CENPE: variants seen among roughly 807,000 people sequenced by gnomAD.
CENPE encodes centromere-associated protein E.
In CENPE, 145 loss-of-function variants were observed where a neutral mutation model predicts 336.1. That is an observed-to-expected ratio of 0.43 (90% CI 0.38 to 0.50). The LOEUF is 0.50. Ranked by LOEUF, CENPE falls within the 20% of genes least tolerant of loss-of-function variation. The pLI is 0.00. For missense variants in CENPE, 2,719 were observed against 3,023.3 expected, an observed-to-expected ratio of 0.90 and a Z score of 2.36; for synonymous variants, 1,013 against 984.8, an observed-to-expected ratio of 1.03 and a Z score of -0.54.
chr4:103,181,213 A>C (rs957473321), intron 12 of CENPE, 124 bp downstream of exon 12: 28 of 558,858 alleles, frequency 5.0e-5, no homozygotes, highest in Non-Finnish European at 7.5e-5. Context: ...CTTCTTTAAA[A>C]GTGATTAAAA....
Position 103,194,682 on chromosome 4 carries a change from C to T in CENPE, c.480G>A (p.Arg160=), listed in dbSNP as rs954404196. 7 of 1,593,390 alleles carry T rather than the reference C, an allele frequency of 4.4e-6. No homozygotes were observed. The highest frequency in any genetic ancestry group is 6.0e-6 in the Non-Finnish European group (7 of 1,172,898). The part of the protein sequence containing the change: ...KPLIIREDVN[R]NVYVADLTEE... ...CTGTGAGATCAGCAACATACACATT[C>T]CTCTGAAACAAGTTTAATTATGGAA... is the stretch of plus-strand genomic sequence containing the variant. The change falls in exon 6 of 49, where the codon AGG becomes AGA. Residue 160 remains arginine, a splice_region_variant and synonymous_variant. Transcript: ENST00000265148.
intron 40 of CENPE, among the ~76,000 whole-genome samples, chr4:103,135,812 G>A (rs1752020186): frequency 1.3e-5 from 2 of 152,160 alleles, no homozygotes; most frequent in South Asian, 4.1e-4. Context: ...TTCATCTTCT[G>A]TAATTTTATT....
chr4:103,159,000 T>C lies in CENPE; in HGVS notation c.2601+10A>G. On this transcript the variant is annotated intron_variant, in intron 22 of 48. Coordinates refer to ENST00000265148, the MANE Select transcript of CENPE (RefSeq NM_001813.3). Reference sequence around the variant, plus strand: ...AAGGAGCATTTCTCAAAATAGCATCTTGTACCAACCTCGGTCTTCAAAGCA... The same window carrying C: ...AAGGAGCATTTCTCAAAATAGCATCCTGTACCAACCTCGGTCTTCAAAGCA... The C allele has an allele frequency of 1.3e-6, 2 of 1,532,554 alleles. No homozygotes were observed. Among genetic ancestry groups the C allele is most frequent in the Non-Finnish European group, 1.7e-6 (2 of 1,146,972 alleles). The allele number at this position is 1,532,554 out of a possible 1,614,324, so 94.9% of individuals were successfully genotyped here. A position where few individuals can be genotyped will look rare whatever the true frequency, so the allele number is the denominator to read the frequency against.
chr4:103,183,567 A>C (rs888798598), intron 9 of CENPE, among the ~76,000 whole-genome samples: 18 of 152,200 alleles, frequency 1.2e-4, no homozygotes, highest in African/African-American at 4.3e-4. Context: ...GTTTCCTGAA[A>C]GAGCTTCTCT....
rs189717529 is a variant in CENPE, at chr4:103,189,214, T to A, written c.694-3353A>T. Among the ~76,000 whole-genome samples the A allele has an allele frequency of 3.9e-5, 6 of 152,198 alleles. No homozygotes were observed. In the South Asian group the frequency reaches 8.3e-4, roughly 21 times the overall value. The stretch of plus-strand genomic sequence containing the variant: ...CACAGCCGAATTCTACCAGAGGTAC[T>A]AGGAGGAGCTGGTACCATTCCTTCT... On this transcript the variant is annotated intron_variant, in intron 8 of 48. Transcript: ENST00000265148.
chr4:103,190,954 A>C lies in CENPE; in HGVS notation c.693+3275T>G, dbSNP rs186010704. Among the ~76,000 whole-genome samples, 648 of 152,178 alleles carry C rather than the reference A, an allele frequency of 4.3e-3. 1 individual carries two copies. Among genetic ancestry groups the C allele is most frequent in the African/African-American group, 0.013 (540 of 41,564 alleles). ...AACTCAAACAAATTTAGAAAAAAAA[A>C]AAACAAACAACCACATCGACAAGTG... On this transcript the variant is annotated intron_variant, in intron 8 of 48. Coordinates refer to ENST00000265148, the MANE Select transcript of CENPE (RefSeq NM_001813.3).
At chr4:103,114,952 C>T (rs535944109) in intron 45 of CENPE, among the ~76,000 whole-genome samples, 1 of 152,264 alleles carries the variant, frequency 6.6e-6, no homozygotes, top group South Asian at 2.1e-4. Flanking sequence ...AAAGCAAACC[C>T]TGACTGCAGC....
Position 103,194,992 on chromosome 4 carries a change from A to G in CENPE, c.477+122T>C, listed in dbSNP as rs1400868091. On this transcript the variant is annotated intron_variant, in intron 5 of 48. Coordinates refer to ENST00000265148, the MANE Select transcript of CENPE (RefSeq NM_001813.3). Reference sequence around the variant, plus strand: ...AGATGAATATAAATACTTCAAAAAAACCCTCACATACTATAGAAATAGGAG... The same window carrying G: ...AGATGAATATAAATACTTCAAAAAAGCCCTCACATACTATAGAAATAGGAG... 7.3e-6 allele frequency: 6 copies of G among 827,540 alleles called. No homozygotes were observed. In the Admixed American group the frequency reaches 1.5e-4, roughly 20 times the overall value. The allele number at this position is 827,540 out of a possible 1,614,324, so 51.3% of individuals were successfully genotyped here.
chr4:103,134,952 T>C (rs1751941444), intron 40 of CENPE, among the ~76,000 whole-genome samples: 1 of 152,236 alleles, frequency 6.6e-6, no homozygotes, highest in African/African-American at 2.4e-5. Flanking sequence ...ATTGAGAGAA[T>C]ATCTTCAGTC....
Position 103,110,997 on chromosome 4 carries a change from T to C in CENPE, c.7555A>G (p.Thr2519Ala). The C allele has an allele frequency of 1.3e-6, 2 of 1,580,428 alleles. No homozygotes were observed. Among genetic ancestry groups the C allele is most frequent in the Non-Finnish European group, 1.7e-6 (2 of 1,166,800 alleles). ...GGTTTATTTGAAGGCTGAGGATCAG[T>C]ATGTTCTGATATCACTGTGGGAGGA... ...AQDTSVISEH[T>A]DPQPSNKPLT... is the part of the protein sequence containing the mutation. The change falls in exon 47 of 49, where the codon ACT (threonine) becomes GCT (alanine). Residue 2519 changes from threonine to alanine, a missense_variant. Physicochemically the swap from Thr to Ala is moderately conservative, Grantham distance 58 (BLOSUM62 0). Coordinates refer to ENST00000265148, the MANE Select transcript of CENPE (RefSeq NM_001813.3).
intron 8 of CENPE, among the ~76,000 whole-genome samples, chr4:103,187,733 G>A (rs1290866363): frequency 6.6e-6 from 1 of 152,162 alleles, no homozygotes; most frequent in East Asian, 1.9e-4. Flanking sequence ...GGAAGAAACT[G>A]CATCAACTAA....
chr4:103,141,357 T>C (rs953308613), intron 35 of CENPE, among the ~76,000 whole-genome samples: 2 of 152,220 alleles, frequency 1.3e-5, no homozygotes, highest in Non-Finnish European at 2.9e-5. Context: ...AGAATATTTC[T>C]AGCACTTCAT....
intron 8 of CENPE, among the ~76,000 whole-genome samples, chr4:103,193,954 G>A (rs77672316): frequency 6.6e-6 from 1 of 151,736 alleles, no homozygotes; most frequent in African/African-American, 2.4e-5. Flanking sequence ...TGCATTAGTG[G>A]TTAGAAAAAA....
chr4:103,154,782 T>C (rs966606598), intron 24 of CENPE, among the ~76,000 whole-genome samples: 1 of 152,062 alleles, frequency 6.6e-6, no homozygotes, highest in African/African-American at 2.4e-5. Context: ...AGGAAAAAAA[T>C]TGTCCTTTAT....
chr4:103,191,187 A>C (rs980914092), intron 8 of CENPE, among the ~76,000 whole-genome samples: 1 of 152,180 alleles, frequency 6.6e-6, no homozygotes, highest in African/African-American at 2.4e-5. Context: ...GAACACTTTT[A>C]CACTGTTGGT....
At position 103,144,753 on chromosome 4, in the gene CENPE, G is replaced by A. The variant is rs1752868771; in HGVS notation, c.4858-135C>T. Reference sequence around the variant, plus strand: ...GTACTTTCTTTCATAAGGGATATGAGTAACAATAATTAGATGTCATTTTCC... The same window carrying A: ...GTACTTTCTTTCATAAGGGATATGAATAACAATAATTAGATGTCATTTTCC... On this transcript the variant is annotated intron_variant, in intron 32 of 48. Coordinates refer to ENST00000265148, the MANE Select transcript of CENPE (RefSeq NM_001813.3). 12 of 651,920 alleles carry A rather than the reference G, an allele frequency of 1.8e-5. No individual in the cohort carries two copies. In the East Asian group the frequency reaches 3.3e-4, roughly 18 times the overall value. 40.4% of individuals were successfully genotyped at this position (651,920 alleles called of 1,614,324 possible). A position where few individuals can be genotyped will look rare whatever the true frequency, so the allele number is the denominator to read the frequency against.
intron 8 of CENPE, among the ~76,000 whole-genome samples, chr4:103,192,273 G>A (rs935688445): frequency 3.9e-5 from 6 of 152,170 alleles, no homozygotes; most frequent in Non-Finnish European, 2.9e-5. Flanking sequence ...GGGCAAAGTG[G>A]TAATGAAGGC....
chr4:103,140,399 G>T lies in CENPE; in HGVS notation c.5770C>A (p.Gln1924Lys). ...AGCATACGAGCAGTTTTTAGTTCCT[G>T]TTGTATTTCCAGATCCTTTATGGTT... is the stretch of plus-strand genomic sequence containing the variant. ...ETKARDLEIQ[Q>K]ELKTARMLSK... The change falls in exon 37 of 49, where the codon CAG (glutamine) becomes AAG (lysine). Residue 1924 changes from glutamine (Q) to lysine (K), a missense_variant. Around this residue, in one of 5 missense-constraint regions of CENPE, gnomAD observed 2,437 missense variants for 2,513.3 expected, o/e 0.97. Coordinates refer to ENST00000265148, the MANE Select transcript of CENPE (RefSeq NM_001813.3). The T allele has an allele frequency of 1.9e-6, 3 of 1,590,208 alleles. No individual in the cohort carries two copies. The highest frequency in any genetic ancestry group is 2.6e-6 in the Non-Finnish European group (3 of 1,170,490).
rs192831119 is a variant in CENPE at position 103,147,952 on chromosome 4, C to A, written c.3844-306G>T. Among the ~76,000 whole-genome samples, 117 of 152,222 alleles carry A rather than the reference C, an allele frequency of 7.7e-4. 1 individual carries two copies. The highest frequency in any genetic ancestry group is 2.7e-3 in the African/African-American group (112 of 41,546). ...CAGGTGATCTGCCTGCCTTGGCCTC[C>A]CAAAGTGCTGGGATTACAGGTGTGA... On this transcript the variant is annotated intron_variant, in intron 28 of 48. Coordinates refer to ENST00000265148, the MANE Select transcript of CENPE (RefSeq NM_001813.3).
Sources: gnomAD v4.1 joint callset for allele counts (sites outside exome capture counted in the v4.1 genomes callset) on GRCh38, gnomAD v4.1.1 for gene constraint, gnomAD v4.1.1 regional missense constraint, MANE v1.5 for transcripts, NCBI Gene and HGNC (gene_info 2026-07-23, HGNC 2026-07-21) for gene names.